Variants in CDH13 observed in about 807,000 individuals in gnomAD.
The protein encoded by CDH13 is cadherin-13.
In CDH13, 24 loss-of-function variants were observed where a neutral mutation model predicts 63.8. That is an observed-to-expected ratio of 0.38 (90% CI 0.27 to 0.53). CDH13 has a LOEUF of 0.53. Among genes scored for constraint, CDH13 ranks in the 20% least tolerant of loss-of-function variants. CDH13 has a pLI of 0.85. For missense variants in CDH13, 1,049 were observed against 903.1 expected, an observed-to-expected ratio of 1.16 and a Z score of -2.07; for synonymous variants, 503 against 355.3, an observed-to-expected ratio of 1.42 and a Z score of -4.67.
intron 1 of CDH13, among the ~76,000 whole-genome samples, chr16:82,740,255 A>T (rs1361691559): frequency 6.6e-6 from 1 of 152,196 alleles, no homozygotes. Flanking sequence ...TATGTAAGAG[A>T]CTTGAGTACT....
chr16:82,829,245 C>T (rs2038410603), intron 1 of CDH13: 2 of 152,176 alleles, frequency 1.3e-5, no homozygotes, highest in African/African-American at 2.4e-5. Flanking sequence ...TTCTTTTTAT[C>T]CCCTCTCCTT....
intron 1 of CDH13, among the ~76,000 whole-genome samples, chr16:82,846,353 A>G (rs1455585976): frequency 6.6e-6 from 1 of 151,846 alleles, no homozygotes; most frequent in Non-Finnish European, 1.5e-5. Flanking sequence ...ATGTATACTT[A>G]TTATATAAGA....
At chr16:83,179,481 TAAAAA>T (rs565547312) in intron 4 of CDH13, among the ~76,000 whole-genome samples, 15 of 69,096 alleles carry the variant, frequency 2.2e-4, no homozygotes, top group African/African-American at 9.1e-4. Flanking sequence ...CCGTCTCTAC[TAAAAA>T]AAAAAAAAAA....
chr16:83,494,189 T>C (rs751589522), intron 7 of CDH13, among the ~76,000 whole-genome samples: 31 of 152,250 alleles, frequency 2.0e-4, no homozygotes, highest in Non-Finnish European at 3.7e-4. Context: ...AGAGTGATGA[T>C]GAATTTAGAG....
At chr16:83,102,416 G>C (rs1385020205) in intron 3 of CDH13, among the ~76,000 whole-genome samples, 1 of 152,178 alleles carries the variant, frequency 6.6e-6, no homozygotes, top group African/African-American at 2.4e-5. Context: ...CTGAAGTGGG[G>C]GTGGGTCTGG....
chr16:83,364,807 A>C (rs2091227922), intron 6 of CDH13, among the ~76,000 whole-genome samples: 1 of 152,190 alleles, frequency 6.6e-6, no homozygotes, highest in African/African-American at 2.4e-5. Flanking sequence ...ATTGTAAGAA[A>C]TTGGTTCTTC....
At chr16:82,939,096 C>T (rs2042753938) in intron 2 of CDH13, among the ~76,000 whole-genome samples, 1 of 152,138 alleles carries the variant, frequency 6.6e-6, no homozygotes, top group African/African-American at 2.4e-5. Context: ...ACACTGACAG[C>T]ATCTCCTCTG....
intron 1 of CDH13, among the ~76,000 whole-genome samples, chr16:82,803,413 G>T (rs1488135194): frequency 1.3e-5 from 2 of 152,176 alleles, no homozygotes; most frequent in Admixed American, 6.5e-5. Flanking sequence ...AGCATGCGAG[G>T]CTCAAATGAC....
At chr16:83,325,047 A>G (rs916472781) in intron 5 of CDH13, among the ~76,000 whole-genome samples, 1 of 152,142 alleles carries the variant, frequency 6.6e-6, no homozygotes, top group Non-Finnish European at 1.5e-5. Context: ...CCTCTTCCCC[A>G]TGAACTTCCA....
intron 4 of CDH13, among the ~76,000 whole-genome samples, chr16:83,142,695 C>A (rs1184157847): frequency 1.3e-5 from 2 of 152,148 alleles, no homozygotes; most frequent in East Asian, 1.9e-4. Flanking sequence ...CTTATTTACC[C>A]TTTTATCTTC....
At chr16:83,558,375 CA>C (rs532086241) in intron 7 of CDH13, among the ~76,000 whole-genome samples, 13 of 151,622 alleles carry the variant, frequency 8.6e-5, no homozygotes, top group East Asian at 1.9e-4. Flanking sequence ...AGCTTGAAGT[CA>C]AAAAAAATGG....
chr16:83,666,579 C>T (rs1465005269), intron 8 of CDH13, among the ~76,000 whole-genome samples: 1 of 152,232 alleles, frequency 6.6e-6, no homozygotes, highest in Non-Finnish European at 1.5e-5. Flanking sequence ...TCTACCACCT[C>T]TGGAGTCTGA....
At chr16:83,685,841 C>A (rs564739938) in intron 10 of CDH13, among the ~76,000 whole-genome samples, 2 of 152,294 alleles carry the variant, frequency 1.3e-5, no homozygotes, top group African/African-American at 4.8e-5. Context: ...TGTGCACAGG[C>A]CTCTGCCTCT....
intron 1 of CDH13, among the ~76,000 whole-genome samples, chr16:82,667,636 C>T (rs918383672): frequency 1.3e-5 from 2 of 152,144 alleles, no homozygotes; most frequent in South Asian, 2.1e-4. Context: ...TGAAGTTGGA[C>T]AGAGCCCAGG....
chr16:83,674,984 C>A (rs1431526884), intron 9 of CDH13, among the ~76,000 whole-genome samples: 1 of 152,248 alleles, frequency 6.6e-6, no homozygotes, highest in Non-Finnish European at 1.5e-5. Flanking sequence ...TTCCAGCCAA[C>A]AAACCCAGGT....
intron 4 of CDH13, among the ~76,000 whole-genome samples, chr16:83,129,206 G>A (rs2035942930): frequency 6.6e-6 from 1 of 152,158 alleles, no homozygotes; most frequent in Non-Finnish European, 1.5e-5. Context: ...CAGAGGCAGA[G>A]CTCTGGCCTC....
intron 9 of CDH13, among the ~76,000 whole-genome samples, chr16:83,673,891 A>T (rs939697862): frequency 6.6e-6 from 1 of 152,190 alleles, no homozygotes; most frequent in Non-Finnish European, 1.5e-5. Context: ...AGAGGTGCCC[A>T]CAGAGGCTGA....
intron 5 of CDH13, among the ~76,000 whole-genome samples, chr16:83,327,851 G>C (rs1196494585): frequency 2.6e-5 from 4 of 152,230 alleles, no homozygotes; most frequent in Non-Finnish European, 5.9e-5. Flanking sequence ...AACACCTGGT[G>C]GCTGGGCGCA....
intron 11 of CDH13, among the ~76,000 whole-genome samples, chr16:83,749,492 T>C (rs1432462409): frequency 1.3e-5 from 2 of 152,198 alleles, no homozygotes; most frequent in African/African-American, 4.8e-5. Flanking sequence ...AAATAACTGT[T>C]GTGTCTGCTA....
Sources: gnomAD v4.1 joint callset for allele counts (sites outside exome capture counted in the v4.1 genomes callset) on GRCh38, gnomAD v4.1.1 for gene constraint, MANE v1.5 for transcripts, NCBI Gene and HGNC (gene_info 2026-07-23, HGNC 2026-07-21) for gene names.